LUZP2: variants seen among roughly 807,000 people sequenced by gnomAD.
LUZP2 encodes leucine zipper protein 2.
In LUZP2, 52 loss-of-function variants were observed where a neutral mutation model predicts 51.6. That is an observed-to-expected ratio of 1.01 (90% CI 0.81 to 1.27). The LOEUF is 1.27. LUZP2 is among the 50% of genes most tolerant of loss of function. The probability of loss-of-function intolerance (pLI) is 0.00; values close to 1 mark genes in which losing one functional copy is unlikely to be tolerated. For synonymous variants in LUZP2, 154 were observed against 137.3 expected, an observed-to-expected ratio of 1.12 and a Z score of -0.85; for missense variants, 436 against 395.4, an observed-to-expected ratio of 1.10 and a Z score of -0.87.
At chr11:24,896,109 C>G (rs747185315) in intron 5 of LUZP2, among the ~76,000 whole-genome samples, 1 of 152,198 alleles carries the variant, frequency 6.6e-6, no homozygotes, top group African/African-American at 2.4e-5. Flanking sequence ...AACATTTTCT[C>G]CATATTGAGA....
At chr11:24,965,761 TA>T in intron 7 of LUZP2, among the ~76,000 whole-genome samples, 1 of 151,926 alleles carries the variant, frequency 6.6e-6, no homozygotes, top group East Asian at 1.9e-4. Context: ...ATGGCTCATT[TA>T]AAAAATAAAT....
chr11:24,576,554 T>C (rs1012024026), intron 1 of LUZP2, among the ~76,000 whole-genome samples: 1 of 148,970 alleles, frequency 6.7e-6, no homozygotes, highest in Non-Finnish European at 1.5e-5. Flanking sequence ...AGGGAATGAG[T>C]AATCAACAAA....
intron 5 of LUZP2, among the ~76,000 whole-genome samples, chr11:24,882,413 T>C (rs937642185): frequency 7.9e-5 from 12 of 151,990 alleles, no homozygotes; most frequent in African/African-American, 2.9e-4. Flanking sequence ...AAGAGGTACA[T>C]GTATTACAAT....
intron 1 of LUZP2, among the ~76,000 whole-genome samples, chr11:24,572,766 A>G (rs912360305): frequency 6.6e-6 from 1 of 152,022 alleles, no homozygotes; most frequent in Non-Finnish European, 1.5e-5. Flanking sequence ...AAAAAGGTCT[A>G]ATTGCTCATC....
At chr11:24,872,996 G>A (rs2134271650) in intron 5 of LUZP2, among the ~76,000 whole-genome samples, 1 of 152,250 alleles carries the variant, frequency 6.6e-6, no homozygotes, top group African/African-American at 2.4e-5. Context: ...GATTTTGACT[G>A]TAAGGAGAAA....
chr11:25,014,404 AG>A (rs1039874530), intron 9 of LUZP2, among the ~76,000 whole-genome samples: 1 of 152,164 alleles, frequency 6.6e-6, no homozygotes, highest in African/African-American at 2.4e-5. Flanking sequence ...CATCCTCTCC[AG>A]CACCTGTTGT....
intron 7 of LUZP2, among the ~76,000 whole-genome samples, chr11:24,938,305 T>A (rs975451028): frequency 6.6e-6 from 1 of 152,086 alleles, no homozygotes; most frequent in African/African-American, 2.4e-5. Context: ...CTAAATATGA[T>A]TTTTTTAGCA....
chr11:24,700,600 A>AT (rs1182617736), intron 1 of LUZP2, among the ~76,000 whole-genome samples: 14 of 152,052 alleles, frequency 9.2e-5, no homozygotes, highest in African/African-American at 2.4e-4. Flanking sequence ...TAAATGCTAT[A>AT]TCCCCCAAAC....
chr11:24,712,233 C>A (rs901341001), intron 1 of LUZP2, among the ~76,000 whole-genome samples: 1 of 151,948 alleles, frequency 6.6e-6, no homozygotes, highest in Non-Finnish European at 1.5e-5. Flanking sequence ...CAAGCTTGGG[C>A]AACATGGTGA....
At chr11:24,904,330 T>C (rs2133784691) in intron 5 of LUZP2, among the ~76,000 whole-genome samples, 1 of 152,278 alleles carries the variant, frequency 6.6e-6, no homozygotes, top group South Asian at 2.1e-4. Flanking sequence ...CCACCCAGGC[T>C]GGAGTGCAGT....
chr11:24,608,006 G>T (rs561451212), intron 1 of LUZP2, among the ~76,000 whole-genome samples: 1 of 151,088 alleles, frequency 6.6e-6, no homozygotes, highest in Non-Finnish European at 1.5e-5. Flanking sequence ...CCGCCACCAC[G>T]CCCAGCTAAT....
intron 5 of LUZP2, among the ~76,000 whole-genome samples, chr11:24,796,726 C>T (rs1337644536): frequency 2.0e-5 from 3 of 152,078 alleles, no homozygotes; most frequent in African/African-American, 2.4e-5. Context: ...TCATATAATA[C>T]GTTTTTAAGT....
intron 10 of LUZP2, among the ~76,000 whole-genome samples, chr11:25,070,910 T>G (rs1022469824): frequency 2.6e-5 from 4 of 151,656 alleles, no homozygotes; most frequent in African/African-American, 9.7e-5. Flanking sequence ...GTTCACATCT[T>G]GAAAAGGTTC....
chr11:24,739,671 T>C (rs1159035812), intron 4 of LUZP2, among the ~76,000 whole-genome samples: 1 of 152,128 alleles, frequency 6.6e-6, no homozygotes, highest in East Asian at 1.9e-4. Flanking sequence ...GCCTTTCTTT[T>C]ACAAAACTTC....
At chr11:24,804,037 C>A (rs925279552) in intron 5 of LUZP2, among the ~76,000 whole-genome samples, 1 of 150,218 alleles carries the variant, frequency 6.7e-6, no homozygotes, top group Non-Finnish European at 1.5e-5. Flanking sequence ...TGTTACTTTG[C>A]TCCTAACACT....
chr11:24,719,417 C>A (rs1858176933), intron 1 of LUZP2, among the ~76,000 whole-genome samples: 1 of 152,148 alleles, frequency 6.6e-6, no homozygotes, highest in Non-Finnish European at 1.5e-5. Flanking sequence ...ACTTGTCAGT[C>A]TTAGTGCTGA....
intron 5 of LUZP2, among the ~76,000 whole-genome samples, chr11:24,783,834 C>T (rs774874604): frequency 8.5e-5 from 13 of 152,068 alleles, no homozygotes; most frequent in South Asian, 6.2e-4. Flanking sequence ...GTGCATGATA[C>T]ATAGTAAGTT....
chr11:24,991,292 C>T (rs1368280613), intron 9 of LUZP2, among the ~76,000 whole-genome samples: 7 of 150,798 alleles, frequency 4.6e-5, no homozygotes, highest in African/African-American at 1.5e-4. Flanking sequence ...CTGCGAATGC[C>T]ATTAATTTAT....
intron 5 of LUZP2, among the ~76,000 whole-genome samples, chr11:24,898,734 A>G (rs1327120269): frequency 1.3e-5 from 2 of 152,172 alleles, no homozygotes; most frequent in African/African-American, 2.4e-5. Context: ...TTTAAAAGAC[A>G]TTTCTAGTCT....
Sources: gnomAD v4.1 joint callset for allele counts (sites outside exome capture counted in the v4.1 genomes callset) on GRCh38, gnomAD v4.1.1 for gene constraint, MANE v1.5 for transcripts, NCBI Gene and HGNC (gene_info 2026-07-23, HGNC 2026-07-21) for gene names.